ATP8B4: variants seen among roughly 807,000 people sequenced by gnomAD.
ATP8B4 encodes the protein probable phospholipid-transporting ATPase IM.
In ATP8B4, 133 loss-of-function variants were observed where a neutral mutation model predicts 145.6. The observed-to-expected ratio is 0.91, with a 90% CI of 0.79 to 1.05. The LOEUF is 1.05. ATP8B4 is among the 50% of genes least tolerant of loss of function. ATP8B4 has a pLI of 0.00. For synonymous variants in ATP8B4, 507 were observed against 492.9 expected (o/e 1.03, Z -0.38); for missense variants, 1,458 against 1,425.2 (o/e 1.02, Z -0.37).
intron 1 of ATP8B4, among the ~76,000 whole-genome samples, chr15:50,173,945 A>G (rs1422251012): frequency 6.6e-6 from 1 of 152,186 alleles, no homozygotes; most frequent in African/African-American, 2.4e-5. Context: ...ATTATCCACC[A>G]TGATCAAGTG....
chr15:50,132,323 A>G (rs2044058990), intron 1 of ATP8B4, among the ~76,000 whole-genome samples: 1 of 152,184 alleles, frequency 6.6e-6, no homozygotes, highest in Non-Finnish European at 1.5e-5. Context: ...ACGCTTCTCA[A>G]AAGAAGACAC....
At chr15:50,059,027 T>G (rs1352285174) in intron 3 of ATP8B4, among the ~76,000 whole-genome samples, 1 of 152,182 alleles carries the variant, frequency 6.6e-6, no homozygotes, top group Non-Finnish European at 1.5e-5. Context: ...ATGAATAAAG[T>G]GCCAATCTTT....
At chr15:49,913,935 A>G (rs113232508) in intron 20 of ATP8B4, among the ~76,000 whole-genome samples, 11 of 152,084 alleles carry the variant, frequency 7.2e-5, no homozygotes, top group African/African-American at 2.6e-4. Flanking sequence ...TATTGTTAAA[A>G]TTATCATACT....
At chr15:50,039,703 T>C (rs756247795) in intron 5 of ATP8B4, among the ~76,000 whole-genome samples, 7 of 152,084 alleles carry the variant, frequency 4.6e-5, no homozygotes, top group Non-Finnish European at 8.8e-5. Flanking sequence ...TCATAGACTT[T>C]AATCATCAGA....
chr15:50,087,084 A>T (rs2153651497), intron 2 of ATP8B4, among the ~76,000 whole-genome samples: 1 of 106,870 alleles, frequency 9.4e-6, no homozygotes, highest in South Asian at 2.7e-4. Flanking sequence ...ATAGAGATCT[A>T]TATTATATAT....
intron 1 of ATP8B4, among the ~76,000 whole-genome samples, chr15:50,174,867 A>G (rs1364235442): frequency 6.6e-6 from 1 of 152,230 alleles, no homozygotes; most frequent in African/African-American, 2.4e-5. Context: ...ACAAATCTGG[A>G]GGCATCACAC....
chr15:50,016,049 C>G (rs1469562188), intron 6 of ATP8B4, among the ~76,000 whole-genome samples: 1 of 152,156 alleles, frequency 6.6e-6, no homozygotes, highest in African/African-American at 2.4e-5. Context: ...GATGCCCTGC[C>G]TAATTTATAT....
At chr15:49,992,703 G>A (rs556349997) in intron 9 of ATP8B4, among the ~76,000 whole-genome samples, 37 of 152,256 alleles carry the variant, frequency 2.4e-4, no homozygotes, top group African/African-American at 8.9e-4. Flanking sequence ...TTTGGTGCTA[G>A]AGAAAGTATT....
intron 1 of ATP8B4, among the ~76,000 whole-genome samples, chr15:50,173,347 T>G (rs1402834319): frequency 1.3e-5 from 2 of 152,118 alleles, no homozygotes; most frequent in African/African-American, 4.8e-5. Flanking sequence ...TGTTCTGTAC[T>G]AAGAAAAATT....
intron 6 of ATP8B4, among the ~76,000 whole-genome samples, chr15:50,017,063 C>T (rs1323520188): frequency 6.6e-6 from 1 of 152,112 alleles, no homozygotes; most frequent in African/African-American, 2.4e-5. Flanking sequence ...TAAGCTCCAC[C>T]TTTCTATCAT....
At chr15:50,089,891 T>C (rs1245394022) in intron 2 of ATP8B4, among the ~76,000 whole-genome samples, 2 of 152,178 alleles carry the variant, frequency 1.3e-5, no homozygotes, top group Non-Finnish European at 2.9e-5. Flanking sequence ...TAAATCATTC[T>C]ATTACAAAGA....
At chr15:50,172,555 C>T (rs1039191769) in intron 1 of ATP8B4, among the ~76,000 whole-genome samples, 3 of 152,350 alleles carry the variant, frequency 2.0e-5, no homozygotes, top group Middle Eastern at 3.4e-3. Context: ...AGTCTCTGCC[C>T]GGCCGCCACC....
intron 13 of ATP8B4, among the ~76,000 whole-genome samples, chr15:49,971,421 C>T (rs1260271989): frequency 1.3e-5 from 2 of 152,042 alleles, no homozygotes; most frequent in Non-Finnish European, 1.5e-5. Flanking sequence ...AACAAATTTA[C>T]AAGATAAAAA....
intron 6 of ATP8B4, among the ~76,000 whole-genome samples, chr15:50,020,674 G>T (rs1172430975): frequency 2.6e-5 from 4 of 152,070 alleles, no homozygotes; most frequent in African/African-American, 9.7e-5. Context: ...ACCACCACAT[G>T]CTTCTTCCCC....
At chr15:49,950,625 A>AC (rs1567059919) in intron 14 of ATP8B4, among the ~76,000 whole-genome samples, 7 of 138,476 alleles carry the variant, frequency 5.1e-5, no homozygotes, top group East Asian at 3.9e-4. Context: ...CAAACAAAAA[A>AC]AACAACAACA....
At chr15:49,942,267 T>C (rs1379643318) in intron 14 of ATP8B4, among the ~76,000 whole-genome samples, 6 of 151,744 alleles carry the variant, frequency 4.0e-5, no homozygotes, top group South Asian at 4.2e-4. Context: ...AAAAGTAATG[T>C]ACAGAAAAAA....
At chr15:50,137,893 A>G (rs894654689) in intron 1 of ATP8B4, among the ~76,000 whole-genome samples, 8 of 152,144 alleles carry the variant, frequency 5.3e-5, no homozygotes, top group African/African-American at 1.9e-4. Flanking sequence ...TCACTGTACC[A>G]CATCTAGTGA....
chr15:50,160,227 A>G (rs1361804409), intron 1 of ATP8B4, among the ~76,000 whole-genome samples: 1 of 151,548 alleles, frequency 6.6e-6, no homozygotes, highest in Non-Finnish European at 1.5e-5. Context: ...CCATTTCTGC[A>G]GTATTGGTTG....
chr15:50,126,874 G>A (rs577876557), intron 1 of ATP8B4, among the ~76,000 whole-genome samples: 6 of 150,766 alleles, frequency 4.0e-5, no homozygotes, highest in South Asian at 2.1e-4. Flanking sequence ...ACACCCCCCC[G>A]CCACCAAATG....
Sources: allele counts gnomAD v4.1 joint callset (sites outside exome capture counted in the v4.1 genomes callset), GRCh38; gene constraint gnomAD v4.1.1; transcripts MANE v1.5; gene names NCBI Gene and HGNC (gene_info 2026-07-23, HGNC 2026-07-21).